The following ROBO2 variants were observed in gnomAD, a reference collection of about 807,000 sequenced individuals.
ROBO2 encodes the protein roundabout guidance receptor 2, also known as roundabout homolog 2.
A neutral mutation model predicts 160.8 loss-of-function variants in ROBO2; 53 were observed. The ratio of observed to expected loss-of-function variants is 0.33; its 90% CI spans 0.26 to 0.41. The LOEUF (loss-of-function observed/expected upper bound fraction) is 0.41, where lower values mean the gene tolerates loss of function less well. Among genes scored for constraint, ROBO2 ranks in the 10% least tolerant of loss-of-function variants. The pLI is 1.00. For synonymous variants in ROBO2, 664 were observed against 611.7 expected (o/e 1.09, Z -1.26); for missense variants, 1,577 against 1,722.4 (o/e 0.92, Z 1.49).
chr3:77,523,042 T>G, intron 6 of ROBO2, 140 bp downstream of exon 6: 1 of 891,258 alleles, frequency 1.1e-6, no homozygotes, highest in Non-Finnish European at 1.8e-6. Context: ...CTCTCTATCA[T>G]TAGTTGAAAT....
intron 2 of ROBO2, among the ~76,000 whole-genome samples, chr3:76,136,968 A>T (rs1307184907): frequency 6.6e-6 from 1 of 152,148 alleles, no homozygotes; most frequent in East Asian, 1.9e-4. Flanking sequence ...TTATCATAGG[A>T]AAGAGGTGGA....
chr3:77,562,107 G>T (rs1213962276), intron 9 of ROBO2, among the ~76,000 whole-genome samples: 3 of 151,770 alleles, frequency 2.0e-5, no homozygotes, highest in Non-Finnish European at 4.4e-5. Flanking sequence ...CTGTCTCGGG[G>T]TAAAAAAAAA....
intron 1 of ROBO2, among the ~76,000 whole-genome samples, chr3:77,064,362 C>CTT (rs71104649): frequency 0.67 from 92,522 of 138,136 alleles, 33,749 homozygotes; most frequent in Non-Finnish European, 0.82. Flanking sequence ...TTGGATGTAT[C>CTT]TTTTTTTTTT....
At chr3:76,667,614 A>G (rs2092100029) in intron 2 of ROBO2, among the ~76,000 whole-genome samples, 2 of 146,376 alleles carry the variant, frequency 1.4e-5, no homozygotes, top group Non-Finnish European at 3.0e-5. Context: ...TTGAACATTA[A>G]TGATTTGTGT....
At chr3:77,399,095 T>A (rs1024819887) in intron 2 of ROBO2, among the ~76,000 whole-genome samples, 2 of 152,182 alleles carry the variant, frequency 1.3e-5, no homozygotes, top group Non-Finnish European at 2.9e-5. Flanking sequence ...CCAAGTTTGA[T>A]TTTTTAAAAA....
rs199705591 is a variant in ROBO2 at position 77,550,915 on chromosome 3, C to T, written c.1157C>T (p.Ala386Val). 87 of 1,612,866 alleles carry T rather than the reference C, an allele frequency of 5.4e-5. No individual in the cohort carries two copies. Among genetic ancestry groups the T allele is most frequent in the Non-Finnish European group, 1.7e-5 (20 of 1,179,372 alleles). Residue 386 changes from alanine (A) to valine (V), a missense_variant, in exon 8 of 26, where the codon GCG becomes GTG. By Grantham distance (64) the Ala-to-Val change is moderately conservative. Transcript: ENST00000461745. ...ATCACCAACATTCAACGTTCCGACG[C>T]GGGTTACTACATCTGCCAGGCTTTA...
chr3:76,925,223 A>AT lies in ROBO2; in HGVS notation c.110-172791_110-172790insT, dbSNP rs551812331. On this transcript the variant is annotated intron_variant, in intron 2 of 26. Coordinates refer to the ROBO2 transcript ENST00000487694. ...GAGACTCCGTCTCAAAAAAAAAAAA[A>AT]AAAAAAAATCTGGTTTGCTTTTCTA... Among the ~76,000 whole-genome samples, 118 of 89,366 alleles carry AT rather than the reference A, an allele frequency of 1.3e-3. 1 individual carries two copies. The highest frequency in any genetic ancestry group is 4.7e-3 in the African/African-American group (117 of 24,904). 58.6% of individuals were successfully genotyped at this position (89,366 alleles called of 152,430 possible). A position where few individuals can be genotyped will look rare whatever the true frequency, so the allele number is the denominator to read the frequency against.
chr3:77,117,822 A>G (rs1295285105), intron 2 of ROBO2, among the ~76,000 whole-genome samples: 1 of 152,182 alleles, frequency 6.6e-6, no homozygotes, highest in African/African-American at 2.4e-5. Flanking sequence ...TGATGAGCCT[A>G]CATTTAATAT....
chr3:77,478,263 T>A (rs894001085), intron 3 of ROBO2, among the ~76,000 whole-genome samples: 2 of 152,204 alleles, frequency 1.3e-5, no homozygotes, highest in African/African-American at 2.4e-5. Context: ...TAAGAGAAAT[T>A]AATTTAAGGT....
chr3:77,622,860 C>G (rs573720592), intron 23 of ROBO2, among the ~76,000 whole-genome samples: 12 of 152,220 alleles, frequency 7.9e-5, no homozygotes, highest in South Asian at 4.2e-4. Flanking sequence ...AAGCACGTCT[C>G]CTGAATAAGC....
chr3:77,588,356 G>C (rs2094104092), intron 16 of ROBO2, among the ~76,000 whole-genome samples: 1 of 152,032 alleles, frequency 6.6e-6, no homozygotes, highest in African/African-American at 2.4e-5. Flanking sequence ...TAGCAGAAAA[G>C]CAATTTGCAA....
chr3:76,719,328 C>T (rs960966883), intron 2 of ROBO2, among the ~76,000 whole-genome samples: 7 of 152,168 alleles, frequency 4.6e-5, no homozygotes, highest in African/African-American at 1.2e-4. Flanking sequence ...TGTTGCCACA[C>T]ACAAATGACA....
chr3:76,979,500 A>G lies in ROBO2; in HGVS notation c.110-118514A>G, dbSNP rs538169387. ...TTTGTTTCTGAGTTGTTTTACTTAAAATAATGGCCGCCAGTTCCATTCATG... is the reference window on the plus strand; with the variant it reads ...TTTGTTTCTGAGTTGTTTTACTTAAGATAATGGCCGCCAGTTCCATTCATG... On this transcript the variant is annotated intron_variant, in intron 2 of 26. Coordinates refer to the ROBO2 transcript ENST00000487694. Among the ~76,000 whole-genome samples the G allele has an allele frequency of 2.1e-3, 315 of 152,084 alleles. 2 individuals carry two copies. Among genetic ancestry groups the G allele is most frequent in the African/African-American group, 7.4e-3 (305 of 41,486 alleles).
intron 2 of ROBO2, among the ~76,000 whole-genome samples, chr3:76,831,407 T>C (rs2067083003): frequency 1.3e-5 from 2 of 152,204 alleles, no homozygotes; most frequent in Non-Finnish European, 2.9e-5. Context: ...ATAAACAATA[T>C]GGATTACTGT....
chr3:76,467,084 A>G (rs2078403469), intron 2 of ROBO2, among the ~76,000 whole-genome samples: 1 of 152,052 alleles, frequency 6.6e-6, no homozygotes, highest in Non-Finnish European at 1.5e-5. Context: ...ATGAGGAAAT[A>G]TATTTTATAT....
intron 20 of ROBO2, among the ~76,000 whole-genome samples, chr3:77,607,026 A>G (rs1260621154): frequency 6.6e-6 from 1 of 152,196 alleles, no homozygotes; most frequent in Non-Finnish European, 1.5e-5. Context: ...TGTATTTTTT[A>G]TATTTCATTA....
At chr3:77,143,293 C>G (rs1038616348) in intron 2 of ROBO2, among the ~76,000 whole-genome samples, 8 of 142,584 alleles carry the variant, frequency 5.6e-5, no homozygotes, top group Admixed American at 1.5e-4. Flanking sequence ...CTCCCAGGTT[C>G]AAGCAATTCT....
rs79344607 is a variant in ROBO2 at position 76,656,719 on chromosome 3, C to T, written c.110-441295C>T. On this transcript the variant is annotated intron_variant, in intron 2 of 26. Transcript: ENST00000487694. ...TTTCCCACTGTAAACCTCAGACCTC[C>T]GAGACATTATGGCAGCCTTGAACTT... 1.5e-3 allele frequency among the ~76,000 whole-genome samples: 221 copies of T among 152,176 alleles called. 2 individuals carry two copies. Among genetic ancestry groups the T allele is most frequent in the African/African-American group, 4.8e-3 (201 of 41,498 alleles).
chr3:76,472,311 A>G (rs960141250), intron 2 of ROBO2, among the ~76,000 whole-genome samples: 3 of 152,166 alleles, frequency 2.0e-5, no homozygotes, highest in African/African-American at 7.2e-5. Flanking sequence ...TTAAAATTCA[A>G]TAGCTTATGA....
Sources: gnomAD v4.1 joint callset for allele counts (sites outside exome capture counted in the v4.1 genomes callset) on GRCh38, gnomAD v4.1.1 for gene constraint, MANE v1.5 for transcripts, NCBI Gene and HGNC (gene_info 2026-07-23, HGNC 2026-07-21) for gene names.